The following CFAP20DC variants were observed in gnomAD, a reference collection of about 807,000 sequenced individuals.
CFAP20DC encodes protein CFAP20DC.
Under a neutral mutation model 101.7 loss-of-function variants are expected in CFAP20DC, and 84 were observed. That is an observed-to-expected ratio of 0.83 (90% CI 0.69 to 0.99). The LOEUF is 0.99. Among genes scored for constraint, CFAP20DC ranks in the 50% least tolerant of loss-of-function variants. CFAP20DC has a pLI of 0.00. For missense variants in CFAP20DC, 1,007 were observed against 970.3 expected (o/e 1.04, Z -0.50); for synonymous variants, 359 against 351.2 (o/e 1.02, Z -0.25).
At chr3:58,989,503 A>G (rs2092863574) in intron 4 of CFAP20DC, among the ~76,000 whole-genome samples, 1 of 152,164 alleles carries the variant, frequency 6.6e-6, no homozygotes, top group African/African-American at 2.4e-5. Context: ...TCATGACCAA[A>G]GATTTCAAGA....
chr3:59,032,120 G>A (rs1388691698), intron 4 of CFAP20DC, among the ~76,000 whole-genome samples: 1 of 152,176 alleles, frequency 6.6e-6, no homozygotes, highest in African/African-American at 2.4e-5. Context: ...CCCTAGCCAA[G>A]GGAAGCGGTG....
intron 13 of CFAP20DC, among the ~76,000 whole-genome samples, chr3:58,846,430 G>T (rs983603610): frequency 2.6e-5 from 4 of 151,996 alleles, no homozygotes; most frequent in Non-Finnish European, 5.9e-5. Flanking sequence ...TCAAAGAGAA[G>T]AAAATACCTA....
rs1278530513 is a variant in CFAP20DC at position 58,788,312 on chromosome 3, C to G, written c.2237+18083G>C. Among the ~76,000 whole-genome samples, 1 of 152,032 alleles carries G rather than the reference C, an allele frequency of 6.6e-6. No homozygotes were observed. Among genetic ancestry groups the G allele is most frequent in the Non-Finnish European group, 1.5e-5 (1 of 67,998 alleles). On this transcript the variant is annotated intron_variant, in intron 15 of 16. Coordinates refer to ENST00000482387, the MANE Select transcript of CFAP20DC (RefSeq NM_001394063.1). This position sits in a 1 kb window ranked among gnomAD's most constrained non-coding sequence, Gnocchi z 4.2. ...GATGTTTCTAATATAATGGGCCCCT[C>G]AGATGAACAAATTAAATTCACATTT...
chr3:58,756,936 G>A (rs773401037), intron 15 of CFAP20DC, among the ~76,000 whole-genome samples: 6 of 151,956 alleles, frequency 3.9e-5, no homozygotes, highest in Non-Finnish European at 8.8e-5. Flanking sequence ...ACCCTATGGA[G>A]GTACTATCAT....
intron 12 of CFAP20DC, among the ~76,000 whole-genome samples, chr3:58,856,037 A>T (rs186875069): frequency 4.6e-5 from 7 of 151,488 alleles, no homozygotes; most frequent in African/African-American, 1.5e-4. Flanking sequence ...AGGAAAAAAA[A>T]CTTCAAAATA....
At chr3:58,720,801 C>A (rs2067462577) in intron 3 of CFAP20DC, among the ~76,000 whole-genome samples, 1 of 152,142 alleles carries the variant, frequency 6.6e-6, no homozygotes, top group Non-Finnish European at 1.5e-5. Flanking sequence ...ATTAAACAGC[C>A]CATTCACACT....
chr3:58,779,134 T>C (rs2071603413), intron 15 of CFAP20DC, among the ~76,000 whole-genome samples: 2 of 152,110 alleles, frequency 1.3e-5, no homozygotes, highest in Admixed American at 6.6e-5. Flanking sequence ...AAGAAATTCA[T>C]AAAGTCCTGG....
Position 58,882,289 on chromosome 3 carries a change from T to C in CFAP20DC, c.715+2256A>G, listed in dbSNP as rs1383932609. Among the ~76,000 whole-genome samples, 3 of 150,836 alleles carry C rather than the reference T, an allele frequency of 2.0e-5. No individual in the cohort carries two copies. Among genetic ancestry groups the C allele is most frequent in the African/African-American group, 7.5e-5 (3 of 40,142 alleles). On this transcript the variant is annotated intron_variant, in intron 7 of 16. Transcript: ENST00000482387. The surrounding 1 kb of genome is among the most constrained non-coding windows in gnomAD (Gnocchi z 4.2). ...CCATGAAAAAGTTTGTGTTTAATTA[T>C]AACATTGAGTTAGTGATGCAATTAA...
chr3:58,834,335 G>A (rs189529678), intron 13 of CFAP20DC, among the ~76,000 whole-genome samples: 142 of 152,262 alleles, frequency 9.3e-4, no homozygotes, highest in African/African-American at 3.3e-3. Context: ...GGGATTAAGC[G>A]TTCTAATGTG....
In CFAP20DC at chr3:59,049,853, G is replaced by A; in HGVS notation, c.-222C>T. 1 of 605,316 alleles carries A rather than the reference G, an allele frequency of 1.7e-6. No homozygotes were observed. Among genetic ancestry groups the A allele is most frequent in the Non-Finnish European group, 2.9e-6 (1 of 345,054 alleles). The allele number at this position is 605,316 out of a possible 1,614,324, so 37.5% of individuals were successfully genotyped here. ...CAGCACCATTGCGGCTCCAGCCTCC[G>A]CGGTGCCCGGGTCTGGGGAGGGCGC... On this transcript the variant is annotated 5_prime_UTR_variant, in exon 1 of 17. Coordinates refer to ENST00000482387, the MANE Select transcript of CFAP20DC (RefSeq NM_001394063.1).
At chr3:58,936,135 AAAG>A (rs1207528991) in intron 5 of CFAP20DC, among the ~76,000 whole-genome samples, 2 of 152,328 alleles carry the variant, frequency 1.3e-5, no homozygotes, top group South Asian at 2.1e-4. Flanking sequence ...ACACTTCTCA[AAAG>A]AAGACATTTA....
intron 4 of CFAP20DC, among the ~76,000 whole-genome samples, chr3:58,944,921 G>T (rs1288514063): frequency 6.6e-6 from 1 of 152,112 alleles, no homozygotes; most frequent in Non-Finnish European, 1.5e-5. Flanking sequence ...AGTATCAGAA[G>T]GATTTGTTGA....
chr3:58,844,425 A>G (rs1371934107), intron 13 of CFAP20DC, among the ~76,000 whole-genome samples: 9 of 138,668 alleles, frequency 6.5e-5, no homozygotes, highest in Non-Finnish European at 1.2e-4. Flanking sequence ...AGGCCATTAC[A>G]TAATGGTAAA....
intron 15 of CFAP20DC, among the ~76,000 whole-genome samples, chr3:58,800,362 G>A (rs1007966879): frequency 1.2e-4 from 19 of 152,178 alleles, no homozygotes; most frequent in Admixed American, 2.0e-4. Flanking sequence ...TCTTTGAAGG[G>A]AACACTTGCT....
chr3:59,028,319 A>C (rs1184544936), intron 4 of CFAP20DC, among the ~76,000 whole-genome samples: 3 of 152,242 alleles, frequency 2.0e-5, no homozygotes, highest in Non-Finnish European at 4.4e-5. Context: ...CAAAATGCTA[A>C]AACAAAATAA....
At chr3:58,921,188 T>A (rs557241357) in intron 5 of CFAP20DC, among the ~76,000 whole-genome samples, 2 of 152,226 alleles carry the variant, frequency 1.3e-5, no homozygotes, top group South Asian at 4.1e-4. Flanking sequence ...TTATTAATCA[T>A]TTCAAAGAAC....
intron 4 of CFAP20DC, among the ~76,000 whole-genome samples, chr3:59,016,846 A>C (rs2093699508): frequency 6.6e-6 from 1 of 152,108 alleles, no homozygotes; most frequent in South Asian, 2.1e-4. Context: ...ATAAAACAAC[A>C]ACAGAAAACA....
intron 14 of CFAP20DC, among the ~76,000 whole-genome samples, chr3:58,809,503 A>G (rs2074418111): frequency 6.6e-6 from 1 of 152,076 alleles, no homozygotes; most frequent in African/African-American, 2.4e-5. Flanking sequence ...TTTGAAACCA[A>G]CGAGAACAAA....
At chr3:58,915,724 T>A (rs1680367893) in intron 5 of CFAP20DC, among the ~76,000 whole-genome samples, 1 of 152,164 alleles carries the variant, frequency 6.6e-6, no homozygotes, top group Non-Finnish European at 1.5e-5. Context: ...AAAAATTGTA[T>A]TATGGTATTA....
Sources: allele counts gnomAD v4.1 joint callset (sites outside exome capture counted in the v4.1 genomes callset), GRCh38; gene constraint gnomAD v4.1.1; non-coding constraint Gnocchi (gnomAD v3.1); transcripts MANE v1.5; gene names NCBI Gene and HGNC (gene_info 2026-07-23, HGNC 2026-07-21).